DCTD: variants seen among roughly 807,000 people sequenced by gnomAD.
The protein encoded by DCTD is dCMP deaminase.
In DCTD, 23 loss-of-function variants were observed where a neutral mutation model predicts 21.0. That is an observed-to-expected ratio of 1.09 (90% CI 0.79 to 1.55). The LOEUF (loss-of-function observed/expected upper bound fraction) is 1.55, where lower values mean the gene tolerates loss of function less well. Among genes scored for constraint, DCTD ranks in the 40% most tolerant of loss-of-function variants. DCTD has a pLI of 0.00. For synonymous variants in DCTD, 71 were observed against 81.1 expected, an observed-to-expected ratio of 0.88 and a Z score of 0.67; for missense variants, 224 against 230.0, an observed-to-expected ratio of 0.97 and a Z score of 0.17.
intron 5 of DCTD, among the ~76,000 whole-genome samples, chr4:182,891,871 T>C (rs1476833881): frequency 6.6e-6 from 1 of 152,168 alleles, no homozygotes; most frequent in Non-Finnish European, 1.5e-5. Context: ...AAATTTTCTT[T>C]TGCCGCTTAT....
At chr4:182,908,553 G>A (rs1168100509) in intron 3 of DCTD, among the ~76,000 whole-genome samples, 6 of 151,958 alleles carry the variant, frequency 3.9e-5, no homozygotes, top group Middle Eastern at 3.4e-3. Context: ...GTGGTGGCAC[G>A]TGCCTGTAAT....
intron 3 of DCTD, among the ~76,000 whole-genome samples, chr4:182,912,149 C>CAAAAA (rs34737293): frequency 1.2e-5 from 1 of 82,280 alleles, no homozygotes; most frequent in Non-Finnish European, 2.6e-5. Context: ...AAAACGAAAG[C>CAAAAA]AAAAAAAAAA....
chr4:182,915,208 T>C, intron 2 of DCTD, 150 bp from the exon 3 acceptor site: 1 of 1,072,780 alleles, frequency 9.3e-7, no homozygotes, highest in Non-Finnish European at 1.3e-6. Context: ...TTGCCTGGTT[T>C]TTTGTGGCAG....
intron 3 of DCTD, among the ~76,000 whole-genome samples, chr4:182,897,486 A>G (rs540133016): frequency 1.8e-3 from 265 of 147,354 alleles, no homozygotes; most frequent in Non-Finnish European, 3.0e-3. Context: ...TCCTTTATTC[A>G]TTTGATAAAT....
intron 3 of DCTD, among the ~76,000 whole-genome samples, chr4:182,897,225 A>G (rs1329946845): frequency 6.6e-6 from 1 of 152,116 alleles, no homozygotes; most frequent in Admixed American, 6.5e-5. Flanking sequence ...AATGCACAGC[A>G]TTATAAACAG....
chr4:182,916,707 G>C, intron 1 of DCTD: 1 of 1,040,228 alleles, frequency 9.6e-7, no homozygotes, highest in African/African-American at 1.7e-5. Flanking sequence ...ATCGCTGTGG[G>C]GTGCTGGAGA....
At chr4:182,912,026 C>T (rs1290739761) in intron 3 of DCTD, among the ~76,000 whole-genome samples, 1 of 152,134 alleles carries the variant, frequency 6.6e-6, no homozygotes, top group Non-Finnish European at 1.5e-5. Context: ...TATGAATTTA[C>T]CCTTCCTGCT....
Position 182,917,216 on chromosome 4 carries a change from C to A in DCTD, c.-8+95G>T. The A allele has an allele frequency of 1.0e-6, 1 of 995,456 alleles. No homozygotes were observed. The highest frequency in any genetic ancestry group is 1.2e-6 in the Non-Finnish European group (1 of 837,426). The allele number at this position is 995,456 out of a possible 1,614,324, so 61.7% of individuals were successfully genotyped here. ...TCCGCGGCCCCAGGCCCCCGCCCGG[C>A]AGCCAGCGCCCCGCGCCACGCGCTC... On this transcript the variant is annotated intron_variant, in intron 1 of 5. Transcript: ENST00000438320. The surrounding 1 kb of genome is among the most constrained non-coding windows in gnomAD (Gnocchi z 4.9).
intron 3 of DCTD, among the ~76,000 whole-genome samples, chr4:182,897,571 G>A (rs115941304): frequency 2.2e-4 from 34 of 151,654 alleles, no homozygotes; most frequent in African/African-American, 7.3e-4. Context: ...GTAGTGTGTC[G>A]GGTACACATG....
At chr4:182,913,679 C>G (rs1738135625) in intron 3 of DCTD, among the ~76,000 whole-genome samples, 3 of 152,240 alleles carry the variant, frequency 2.0e-5, no homozygotes, top group Admixed American at 2.0e-4. Flanking sequence ...CCCTTCACTT[C>G]CAACAGCGCC....
chr4:182,904,928 T>C (rs1255152852), intron 3 of DCTD, among the ~76,000 whole-genome samples: 1 of 152,220 alleles, frequency 6.6e-6, no homozygotes, highest in Non-Finnish European at 1.5e-5. Context: ...CAGAAATCTC[T>C]ATCTCACTCT....
At chr4:182,899,399 C>CTTTTTT (rs548073020) in intron 3 of DCTD, among the ~76,000 whole-genome samples, 1 of 144,328 alleles carries the variant, frequency 6.9e-6, no homozygotes. Flanking sequence ...CCTTTTTTTT[C>CTTTTTT]TTTTTCTTTT....
At chr4:182,899,744 G>A (rs1735396732) in intron 3 of DCTD, among the ~76,000 whole-genome samples, 1 of 152,102 alleles carries the variant, frequency 6.6e-6, no homozygotes, top group African/African-American at 2.4e-5. Context: ...ATTCTCAGAT[G>A]CCAGATCCAT....
At chr4:182,899,935 C>A (rs1055158290) in intron 3 of DCTD, among the ~76,000 whole-genome samples, 1 of 152,146 alleles carries the variant, frequency 6.6e-6, no homozygotes, top group Non-Finnish European at 1.5e-5. Flanking sequence ...ATTATACTTA[C>A]CAGGTGAGCA....
chr4:182,916,659 G>T, intron 1 of DCTD: 1 of 1,011,166 alleles, frequency 9.9e-7, no homozygotes, highest in Non-Finnish European at 1.2e-6. Flanking sequence ...TGCTGAATCA[G>T]CCTGGTTTCC....
At chr4:182,907,553 C>T (rs994254420) in intron 3 of DCTD, among the ~76,000 whole-genome samples, 1 of 152,148 alleles carries the variant, frequency 6.6e-6, no homozygotes, top group African/African-American at 2.4e-5. Flanking sequence ...CATCCTATCT[C>T]CATATGGTCT....
chr4:182,913,527 T>C (rs1738097312), intron 3 of DCTD, among the ~76,000 whole-genome samples: 1 of 152,128 alleles, frequency 6.6e-6, no homozygotes. Context: ...TAAAAATATA[T>C]AAATTAGACT....
chr4:182,894,911 T>A (rs1242570445), intron 3 of DCTD, among the ~76,000 whole-genome samples: 1 of 152,258 alleles, frequency 6.6e-6, no homozygotes, highest in Non-Finnish European at 1.5e-5. Context: ...AGTGCCCACC[T>A]GAGCTGGCTC....
At chr4:182,909,798 A>G (rs1737358339) in intron 3 of DCTD, among the ~76,000 whole-genome samples, 1 of 152,232 alleles carries the variant, frequency 6.6e-6, no homozygotes, top group African/African-American at 2.4e-5. Flanking sequence ...AAGGGGGTAA[A>G]GTAAATGGCT....
Sources: allele counts gnomAD v4.1 joint callset (sites outside exome capture counted in the v4.1 genomes callset), GRCh38; gene constraint gnomAD v4.1.1; non-coding constraint Gnocchi (gnomAD v3.1); transcripts MANE v1.5; gene names NCBI Gene and HGNC (gene_info 2026-07-23, HGNC 2026-07-21).